Variants in AKAP6 observed in about 807,000 individuals in gnomAD.
AKAP6 encodes A-kinase anchor protein 6.
A neutral mutation model predicts 188.5 loss-of-function variants in AKAP6; 58 were observed. The ratio of observed to expected loss-of-function variants is 0.31; its 90% confidence interval spans 0.25 to 0.38. AKAP6 has a LOEUF of 0.38. Ranked by LOEUF, AKAP6 falls within the 10% of genes least tolerant of loss-of-function variation. The pLI, the probability that AKAP6 is intolerant of heterozygous loss-of-function variation, is 1.00. For synonymous variants in AKAP6, 989 were observed against 998.6 expected, an observed-to-expected ratio of 0.99 and a Z score of 0.18; for missense variants, 2,710 against 2,740.0, an observed-to-expected ratio of 0.99 and a Z score of 0.24.
intron 2 of AKAP6, among the ~76,000 whole-genome samples, chr14:32,527,767 G>C (rs1289270066): frequency 1.3e-5 from 2 of 152,112 alleles, no homozygotes; most frequent in Non-Finnish European, 2.9e-5. Context: ...TGAGGCATCT[G>C]TTAAGGTCTT....
At chr14:32,579,050 G>A (rs1884853002) in intron 5 of AKAP6, among the ~76,000 whole-genome samples, 1 of 152,076 alleles carries the variant, frequency 6.6e-6, no homozygotes, top group South Asian at 2.1e-4. Flanking sequence ...TTTGAAATGT[G>A]GCTAATGCAA....
chr14:32,804,261 T>G (rs1365846158), intron 12 of AKAP6, among the ~76,000 whole-genome samples: 3 of 152,206 alleles, frequency 2.0e-5, no homozygotes, highest in African/African-American at 7.2e-5. Flanking sequence ...GAAGCCTATG[T>G]AATCTTTCAA....
chr14:32,745,931 G>A (rs1371955502), intron 11 of AKAP6, among the ~76,000 whole-genome samples: 1 of 152,040 alleles, frequency 6.6e-6, no homozygotes, highest in Non-Finnish European at 1.5e-5. Flanking sequence ...AACCAGGGGA[G>A]CCTCACCCTA....
chr14:32,403,814 A>G (rs564240841), intron 1 of AKAP6, among the ~76,000 whole-genome samples: 129 of 152,252 alleles, frequency 8.5e-4, no homozygotes, highest in Middle Eastern at 3.2e-3. Context: ...TCTCATTTTC[A>G]TGAATACCGA....
rs374129212 is a variant in AKAP6, at chr14:32,813,579, C to T, written c.3589-7823C>T. ...TTATGAATAACAAAAGGTATTCTAT[C>T]GCTTAGGAAATTCCGAGGGCTTTAG... On this transcript the variant is annotated intron_variant, in intron 12 of 13. Transcript: ENST00000280979. Among the ~76,000 whole-genome samples, 4 of 152,226 alleles carry T rather than the reference C, an allele frequency of 2.6e-5. No homozygotes were observed. In the East Asian group the frequency reaches 7.7e-4, roughly 29 times the overall value.
intron 7 of AKAP6, among the ~76,000 whole-genome samples, chr14:32,652,147 C>T (rs1888257731): frequency 6.6e-6 from 1 of 152,144 alleles, no homozygotes; most frequent in East Asian, 1.9e-4. Flanking sequence ...ACTGTTGTCA[C>T]CTAAAAGTTT....
chr14:32,597,598 C>A (rs548476294), intron 5 of AKAP6, among the ~76,000 whole-genome samples: 7 of 152,306 alleles, frequency 4.6e-5, no homozygotes, highest in African/African-American at 1.7e-4. Context: ...GCTTCCCATA[C>A]ATTGCCATAT....
intron 7 of AKAP6, among the ~76,000 whole-genome samples, chr14:32,649,948 A>G (rs150250997): frequency 9.8e-5 from 15 of 152,312 alleles, no homozygotes; most frequent in African/African-American, 3.4e-4. Flanking sequence ...GGCAGCACAC[A>G]CTGCTCATAT....
chr14:32,759,599 G>T (rs2032467292), intron 11 of AKAP6, among the ~76,000 whole-genome samples: 1 of 152,098 alleles, frequency 6.6e-6, no homozygotes, highest in South Asian at 2.1e-4. Flanking sequence ...GGTTTAATTG[G>T]CTCACAGTTC....
At chr14:32,475,103 T>C (rs889975739) in intron 2 of AKAP6, among the ~76,000 whole-genome samples, 1 of 152,060 alleles carries the variant, frequency 6.6e-6, no homozygotes, top group Non-Finnish European at 1.5e-5. Context: ...TAATTTACTT[T>C]CAATGGTTTA....
chr14:32,521,364 G>A (rs1881820856), intron 2 of AKAP6, among the ~76,000 whole-genome samples: 1 of 152,066 alleles, frequency 6.6e-6, no homozygotes. Context: ...AAGAAATAAA[G>A]GGTATTCAAT....
Position 32,822,756 on chromosome 14 carries a change from A to C in AKAP6, c.4943A>C (p.Gln1648Pro), listed in dbSNP as rs1308135142. The C allele has an allele frequency of 6.2e-7, 1 of 1,613,834 alleles. No homozygotes were observed. ...GAGAATATCCAGAGCCCCTCAGAGCAAAAGATAAAACGAAGTGTTTCTGAT... is the reference window on the plus strand; with the variant it reads ...GAGAATATCCAGAGCCCCTCAGAGCCAAAGATAAAACGAAGTGTTTCTGAT... Reference protein sequence around the residue: ...RLENIQSPSEQKIKRSVSDIT... With the variant: ...RLENIQSPSEPKIKRSVSDIT... The change falls in exon 13 of 14, where the codon CAA (glutamine) becomes CCA (proline). Residue 1648 changes from glutamine to proline, a missense_variant. By Grantham distance (76) the Gln-to-Pro change is moderately conservative. This residue lies in a region of AKAP6 where 2,473 missense variants were observed against 2,426.1 expected (regional missense o/e 1.02). Coordinates refer to ENST00000280979, the MANE Select transcript of AKAP6 (RefSeq NM_004274.5).
At chr14:32,334,373 A>G (rs561120489) in intron 1 of AKAP6, among the ~76,000 whole-genome samples, 19 of 152,160 alleles carry the variant, frequency 1.2e-4, no homozygotes, top group Non-Finnish European at 2.8e-4. Flanking sequence ...CATGCTGTAT[A>G]TGCTACCAGC....
chr14:32,789,149 C>T (rs2033528115), intron 12 of AKAP6, among the ~76,000 whole-genome samples: 1 of 152,144 alleles, frequency 6.6e-6, no homozygotes, highest in African/African-American at 2.4e-5. Context: ...ATCCATTCCT[C>T]CTCACAGGGT....
chr14:32,800,884 G>T (rs1034376552), intron 12 of AKAP6, among the ~76,000 whole-genome samples: 1 of 152,088 alleles, frequency 6.6e-6, no homozygotes, highest in Admixed American at 6.6e-5. Context: ...GGGCATAGTG[G>T]TGCATACCTG....
At chr14:32,779,462 T>C (rs1019384411) in intron 12 of AKAP6, among the ~76,000 whole-genome samples, 5 of 135,706 alleles carry the variant, frequency 3.7e-5, no homozygotes, top group Non-Finnish European at 8.1e-5. Context: ...CATAAAGATA[T>C]AATAAAGCTA....
At chr14:32,601,565 C>CT (rs1213966403) in intron 7 of AKAP6, among the ~76,000 whole-genome samples, 1 of 152,156 alleles carries the variant, frequency 6.6e-6, no homozygotes, top group Non-Finnish European at 1.5e-5. Flanking sequence ...GTAATCACTC[C>CT]TTTCTTTTGC....
At chr14:32,392,389 G>A (rs937264267) in intron 1 of AKAP6, among the ~76,000 whole-genome samples, 4 of 152,242 alleles carry the variant, frequency 2.6e-5, no homozygotes, top group South Asian at 2.1e-4. Context: ...AGAATTGGAG[G>A]TGTGAATATG....
intron 9 of AKAP6, among the ~76,000 whole-genome samples, chr14:32,707,922 G>C (rs754426307): frequency 6.6e-6 from 1 of 151,932 alleles, no homozygotes; most frequent in African/African-American, 2.4e-5. Flanking sequence ...AAAGTAGTAG[G>C]GAAAGAATAA....
Sources: allele counts gnomAD v4.1 joint callset (sites outside exome capture counted in the v4.1 genomes callset), GRCh38; gene constraint gnomAD v4.1.1; regional missense constraint gnomAD v4.1.1; transcripts MANE v1.5; gene names NCBI Gene and HGNC (gene_info 2026-07-23, HGNC 2026-07-21).